The following MAGI2 variants were observed in gnomAD, a reference collection of about 807,000 sequenced individuals.
The protein encoded by MAGI2 is membrane-associated guanylate kinase, WW and PDZ domain-containing protein 2.
A neutral mutation model predicts 133.3 loss-of-function variants in MAGI2; 35 were observed. The ratio of observed to expected loss-of-function variants is 0.26; its 90% CI spans 0.20 to 0.35. The LOEUF (loss-of-function observed/expected upper bound fraction) is 0.35. Ranked by LOEUF, MAGI2 falls within the 10% of genes least tolerant of loss-of-function variation. The probability of loss-of-function intolerance (pLI) is 1.00; values close to 1 mark genes in which losing one functional copy is unlikely to be tolerated. For missense variants in MAGI2, 1,636 were observed against 1,863.4 expected (o/e 0.88, Z 2.25); for synonymous variants, 729 against 710.6 (o/e 1.03, Z -0.41).
intron 1 of MAGI2, among the ~76,000 whole-genome samples, chr7:79,377,983 G>A (rs76068105): frequency 0.017 from 2,601 of 151,918 alleles, 85 homozygotes; most frequent in African/African-American, 0.059. Context: ...TGAACAGTGC[G>A]TGATTCAGAC....
At chr7:79,060,810 A>G (rs1003639500) in intron 1 of MAGI2, among the ~76,000 whole-genome samples, 4 of 152,092 alleles carry the variant, frequency 2.6e-5, no homozygotes, top group African/African-American at 9.7e-5. Flanking sequence ...TGGGCTTCAT[A>G]TGAGTACAAC....
At chr7:78,637,896 A>G (rs1809849801) in intron 2 of MAGI2, among the ~76,000 whole-genome samples, 1 of 152,074 alleles carries the variant, frequency 6.6e-6, no homozygotes, top group African/African-American at 2.4e-5. Flanking sequence ...TGGGCTACAT[A>G]CAGAGATCTC....
At chr7:78,345,620 G>T in intron 8 of MAGI2, 1 of 294,860 alleles carries the variant, frequency 3.4e-6, no homozygotes, top group Non-Finnish European at 6.4e-6. Context: ...GTCTTTTAAG[G>T]ACAAACTTAT....
intron 5 of MAGI2, among the ~76,000 whole-genome samples, chr7:78,494,426 A>T (rs1424391147): frequency 6.6e-6 from 1 of 152,212 alleles, no homozygotes; most frequent in Admixed American, 6.5e-5. Flanking sequence ...AGTATGTGTT[A>T]GGAGCAAAAT....
Position 78,208,135 on chromosome 7 carries a change from C to CTTTTTT in MAGI2, c.2048-6948_2048-6943dup, listed in dbSNP as rs71085515. 4.8e-4 allele frequency among the ~76,000 whole-genome samples: 55 copies of CTTTTTT among 115,586 alleles called. No individual in the cohort carries two copies. In the East Asian group the frequency reaches 8.8e-3, roughly 19 times the overall value. 75.8% of individuals were successfully genotyped at this position (115,586 alleles called of 152,430 possible). On this transcript the variant is annotated intron_variant, in intron 10 of 21. Coordinates refer to ENST00000354212, the MANE Select transcript of MAGI2 (RefSeq NM_012301.4). The stretch of plus-strand genomic sequence containing the variant: ...CATCCACCTCGGCCTCCCAAAGTGG[C>CTTTTTT]TTTTTTTTTTTTTTTTTTTTAATAT...
intron 2 of MAGI2, among the ~76,000 whole-genome samples, chr7:78,994,125 AGT>A (rs768428628): frequency 2.6e-5 from 4 of 152,072 alleles, no homozygotes; most frequent in Non-Finnish European, 4.4e-5. Context: ...AACCAGTAGG[AGT>A]CTTGGAGATC....
chr7:78,942,634 A>C (rs775611787), intron 2 of MAGI2, among the ~76,000 whole-genome samples: 1 of 152,104 alleles, frequency 6.6e-6, no homozygotes, highest in Non-Finnish European at 1.5e-5. Context: ...CAACAAGATA[A>C]ATTTTCTAGC....
intron 7 of MAGI2, chr7:78,359,576 A>C (rs1306394605): frequency 6.6e-6 from 1 of 152,124 alleles, no homozygotes; most frequent in East Asian, 1.9e-4. Flanking sequence ...TTTTTTTCCT[A>C]CAGCTTGGTA....
intron 11 of MAGI2, among the ~76,000 whole-genome samples, chr7:78,196,353 G>A (rs1382315752): frequency 1.3e-5 from 2 of 151,988 alleles, no homozygotes; most frequent in East Asian, 1.9e-4. Context: ...ACAGGGCTGC[G>A]TCTTTCTACT....
At chr7:78,393,315 G>A (rs541707399) in intron 6 of MAGI2, among the ~76,000 whole-genome samples, 1 of 152,318 alleles carries the variant, frequency 6.6e-6, no homozygotes, top group African/African-American at 2.4e-5. Flanking sequence ...TGGAGCTAGT[G>A]ATGCAAAGCA....
chr7:78,614,148 T>C (rs1229171634), intron 3 of MAGI2, among the ~76,000 whole-genome samples: 1 of 151,700 alleles, frequency 6.6e-6, no homozygotes, highest in African/African-American at 2.4e-5. Flanking sequence ...AAACTGTGAA[T>C]GTGGGCCTTT....
rs534290109 is a variant in MAGI2, at chr7:78,651,163, T to A, written c.419-23924A>T. Among the ~76,000 whole-genome samples, 5 of 152,266 alleles carry A rather than the reference T, an allele frequency of 3.3e-5. No homozygotes were observed. The East Asian group carries it at 9.7e-4, about 29-fold the overall frequency. Reference sequence around the variant, plus strand: ...CCTCCATGAGGCTTTGAAGTAGTTTTGATCCAGTAGTAGTATTTCTACTGT... The same window carrying A: ...CCTCCATGAGGCTTTGAAGTAGTTTAGATCCAGTAGTAGTATTTCTACTGT... On this transcript the variant is annotated intron_variant, in intron 2 of 21. Transcript: ENST00000354212.
At chr7:78,045,701 T>C (rs1254763198) in intron 21 of MAGI2, among the ~76,000 whole-genome samples, 1 of 152,186 alleles carries the variant, frequency 6.6e-6, no homozygotes. Context: ...GATCTGAAGA[T>C]TCACTTAATC....
chr7:79,441,722 C>T (rs1390663009), intron 1 of MAGI2, among the ~76,000 whole-genome samples: 1 of 151,898 alleles, frequency 6.6e-6, no homozygotes, highest in Non-Finnish European at 1.5e-5. Flanking sequence ...GGGATCCTTT[C>T]CACTTAAACT....
At chr7:78,190,023 A>G (rs1033392973) in intron 12 of MAGI2, among the ~76,000 whole-genome samples, 12 of 152,194 alleles carry the variant, frequency 7.9e-5, no homozygotes, top group African/African-American at 2.4e-4. Flanking sequence ...TCTAACTATA[A>G]TCTTTCCCAG....
At chr7:78,564,783 C>CTTTTTTTTTTTTTTTTTTTTT (rs35069216) in intron 3 of MAGI2, among the ~76,000 whole-genome samples, 3 of 64,362 alleles carry the variant, frequency 4.7e-5, no homozygotes, top group African/African-American at 6.1e-5. Flanking sequence ...CTTTGACATT[C>CTTTTTTTTTTTTTTTTTTTTT]TTTTTTTTTT....
chr7:79,434,627 G>T (rs1179683965), intron 1 of MAGI2, among the ~76,000 whole-genome samples: 1 of 152,116 alleles, frequency 6.6e-6, no homozygotes, highest in African/African-American at 2.4e-5. Flanking sequence ...TATTCAGAAA[G>T]AAATTATACC....
chr7:78,324,170 C>CACTACACTACACT (rs77844311), intron 9 of MAGI2, among the ~76,000 whole-genome samples: 1,837 of 127,246 alleles, frequency 0.014, 32 homozygotes, highest in South Asian at 0.078. Context: ...CACTACACTA[C>CACTACACTACACT]ACACTACACT....
chr7:79,387,697 C>T (rs183334999), intron 1 of MAGI2, among the ~76,000 whole-genome samples: 10 of 151,986 alleles, frequency 6.6e-5, no homozygotes, highest in Admixed American at 3.9e-4. Flanking sequence ...CCCTTTAGTA[C>T]TCACCTATAT....
Sources: gnomAD v4.1 joint callset for allele counts (sites outside exome capture counted in the v4.1 genomes callset) on GRCh38, gnomAD v4.1.1 for gene constraint, MANE v1.5 for transcripts, NCBI Gene and HGNC (gene_info 2026-07-23, HGNC 2026-07-21) for gene names.